Variants in PAX3 observed in about 807,000 individuals in gnomAD.
The protein encoded by PAX3 is paired box protein Pax-3.
Under a neutral mutation model 51.6 loss-of-function variants are expected in PAX3, and 14 were observed. That is an observed-to-expected ratio of 0.27 (90% CI 0.18 to 0.42). The LOEUF is 0.42. Among genes scored for constraint, PAX3 ranks in the 10% least tolerant of loss-of-function variants. The probability of loss-of-function intolerance (pLI) is 1.00; values close to 1 mark genes in which losing one functional copy is unlikely to be tolerated. For missense variants in PAX3, 540 were observed against 642.8 expected, an observed-to-expected ratio of 0.84 and a Z score of 1.73; for synonymous variants, 280 against 253.4, an observed-to-expected ratio of 1.11 and a Z score of -1.00.
intron 4 of PAX3, among the ~76,000 whole-genome samples, chr2:222,237,123 C>T (rs1190584475): frequency 6.6e-6 from 1 of 152,010 alleles, no homozygotes; most frequent in Non-Finnish European, 1.5e-5. Flanking sequence ...CTCTCCCTTC[C>T]CCCCTAACTT....
At chr2:222,210,974 C>A (rs1691702820) in intron 7 of PAX3, among the ~76,000 whole-genome samples, 1 of 152,126 alleles carries the variant, frequency 6.6e-6, no homozygotes, top group Non-Finnish European at 1.5e-5. Context: ...TTAAGCTGTC[C>A]TCTCACCTCA....
intron 4 of PAX3, among the ~76,000 whole-genome samples, chr2:222,274,867 T>A (rs1694364959): frequency 6.6e-6 from 1 of 152,154 alleles, no homozygotes; most frequent in Non-Finnish European, 1.5e-5. Flanking sequence ...TCACGCCATA[T>A]CTCTCATAAA....
In PAX3 at chr2:222,298,656, G is replaced by T; in HGVS notation, c.-41C>A. The T allele has an allele frequency of 6.4e-7, 1 of 1,555,164 alleles. No individual in the cohort carries two copies. The highest frequency in any genetic ancestry group is 8.7e-7 in the Non-Finnish European group (1 of 1,144,164). On this transcript the variant is annotated 5_prime_UTR_variant, in exon 1 of 9. Transcript: ENST00000392070. ...GCTCGGAAATTATATCCAGGTGAAGGCGAAACGGAAAGGCGAGTGCGGCGC... is the reference window on the plus strand; with the variant it reads ...GCTCGGAAATTATATCCAGGTGAAGTCGAAACGGAAAGGCGAGTGCGGCGC...
chr2:222,296,812 G>A (rs1423336546), intron 2 of PAX3, among the ~76,000 whole-genome samples, 166 bp downstream of exon 2: 1 of 152,214 alleles, frequency 6.6e-6, no homozygotes, highest in East Asian at 1.9e-4. Flanking sequence ...AGTGTCCAGG[G>A]CGCGTGCACA....
chr2:222,237,342 A>ACACC (rs1692838530), intron 4 of PAX3, among the ~76,000 whole-genome samples: 1 of 151,898 alleles, frequency 6.6e-6, no homozygotes, highest in Admixed American at 6.6e-5. Flanking sequence ...ACACACACAC[A>ACACC]CACACACACA....
chr2:222,231,332 C>T (rs1036680027), intron 5 of PAX3, among the ~76,000 whole-genome samples: 4 of 152,200 alleles, frequency 2.6e-5, no homozygotes, highest in African/African-American at 9.7e-5. Flanking sequence ...CTTTCAAACA[C>T]TGTTTTACTA....
chr2:222,290,694 G>T (rs1694998078), intron 4 of PAX3, among the ~76,000 whole-genome samples: 1 of 152,164 alleles, frequency 6.6e-6, no homozygotes, highest in Admixed American at 6.5e-5. Flanking sequence ...GTCCTCAACT[G>T]TCCTCTAATT....
chr2:222,271,562 T>C (rs1694254401), intron 4 of PAX3, among the ~76,000 whole-genome samples: 1 of 152,168 alleles, frequency 6.6e-6, no homozygotes. Flanking sequence ...TATAATTCTT[T>C]GAGTTGAGGG....
intron 4 of PAX3, among the ~76,000 whole-genome samples, chr2:222,268,726 A>G (rs1327578502): frequency 1.3e-5 from 2 of 152,116 alleles, no homozygotes. Context: ...ACTTTCCTAG[A>G]TGAGTAAGCG....
chr2:222,286,933 G>A (rs1694852999), intron 4 of PAX3, among the ~76,000 whole-genome samples: 1 of 152,186 alleles, frequency 6.6e-6, no homozygotes, highest in Non-Finnish European at 1.5e-5. Flanking sequence ...CTCGTGAATT[G>A]ATGTTTTATG....
At chr2:222,233,371 T>A (rs1202086033) in intron 4 of PAX3, among the ~76,000 whole-genome samples, 2 of 152,096 alleles carry the variant, frequency 1.3e-5, no homozygotes, top group Non-Finnish European at 2.9e-5. Flanking sequence ...ACAAATTACG[T>A]TAATGATACA....
At chr2:222,271,759 T>C (rs890738103) in intron 4 of PAX3, among the ~76,000 whole-genome samples, 2 of 152,196 alleles carry the variant, frequency 1.3e-5, no homozygotes, top group East Asian at 1.9e-4. Flanking sequence ...AAGTAAAATT[T>C]ATATTCCCAA....
rs1208633523 is a variant in PAX3, at chr2:222,200,165, T to G, written c.*1243A>C. 9.2e-6 allele frequency: 2 copies of G among 217,176 alleles called. No homozygotes were observed. Among genetic ancestry groups the G allele is most frequent in the Non-Finnish European group, 1.9e-5 (2 of 107,688 alleles). 13.5% of individuals were successfully genotyped at this position (217,176 alleles called of 1,614,324 possible). On this transcript the variant is annotated 3_prime_UTR_variant, in exon 9 of 9. Coordinates refer to ENST00000392070, the MANE Select transcript of PAX3 (RefSeq NM_181458.4). ...ATAGAAAGAAATAAATAACACTGCC[T>G]TCCACCTTCTTGTTCCTCTCAACAT...
intron 4 of PAX3, among the ~76,000 whole-genome samples, chr2:222,233,580 T>C (rs997297637): frequency 6.6e-6 from 1 of 152,032 alleles, no homozygotes; most frequent in African/African-American, 2.4e-5. Flanking sequence ...ACGCTGGCTA[T>C]AGAGGGTTCT....
Position 222,202,073 on chromosome 2 carries a change from G to C in PAX3, c.1291C>G (p.Gln431Glu), listed in dbSNP as rs770885464. 6.2e-7 allele frequency: 1 copy of C among 1,614,024 alleles called. No homozygotes were observed. Among genetic ancestry groups the C allele is most frequent in the East Asian group, 2.2e-5 (1 of 44,824 alleles). Residue 431 changes from glutamine (Q) to glutamate (E), a missense_variant, in exon 8 of 9, where the codon CAG becomes GAG. This residue lies in a region of PAX3 where 427 missense variants were observed against 483.6 expected (regional missense o/e 0.88). Coordinates refer to ENST00000392070, the MANE Select transcript of PAX3 (RefSeq NM_181458.4). ...PTTTVSASCS[Q>E]RLDHMKSLDS... ...AAGCTCTTCATATGGTCTAGTCTCTGACTGCAGCTGGCCGACACCGTGGTG... is the reference window on the plus strand; with the variant it reads ...AAGCTCTTCATATGGTCTAGTCTCTCACTGCAGCTGGCCGACACCGTGGTG...
chr2:222,270,986 C>A (rs999041634), intron 4 of PAX3, among the ~76,000 whole-genome samples: 3 of 152,184 alleles, frequency 2.0e-5, no homozygotes, highest in Non-Finnish European at 4.4e-5. Flanking sequence ...AGCTACCAAA[C>A]CTTGTTTCAA....
At chr2:222,291,271 G>A (rs969833894) in intron 4 of PAX3, among the ~76,000 whole-genome samples, 3 of 152,188 alleles carry the variant, frequency 2.0e-5, no homozygotes, top group African/African-American at 7.2e-5. Flanking sequence ...CGGGCCAGGG[G>A]CTAGGGGGAT....
At chr2:222,208,593 G>A (rs1691601940) in intron 7 of PAX3, among the ~76,000 whole-genome samples, 1 of 152,114 alleles carries the variant, frequency 6.6e-6, no homozygotes, top group South Asian at 2.1e-4. Flanking sequence ...CTTTCTGGGA[G>A]GAATGACATT....
intron 4 of PAX3, chr2:222,293,705 ACTCT>A (rs150420509): frequency 1.2e-6 from 2 of 1,602,504 alleles, no homozygotes; most frequent in Non-Finnish European, 1.7e-6. Context: ...CCAAAAGAGT[ACTCT>A]CTCTCTCTCT....
Sources: gnomAD v4.1 joint callset for allele counts (sites outside exome capture counted in the v4.1 genomes callset) on GRCh38, gnomAD v4.1.1 for gene constraint, gnomAD v4.1.1 regional missense constraint, MANE v1.5 for transcripts, NCBI Gene and HGNC (gene_info 2026-07-23, HGNC 2026-07-21) for gene names.